The following TPST1 variants were observed in gnomAD, a reference collection of about 807,000 sequenced individuals.
TPST1 encodes protein-tyrosine sulfotransferase 1.
In TPST1, 20 loss-of-function variants were observed where a neutral mutation model predicts 34.8. That is an observed-to-expected ratio of 0.57 (90% CI 0.40 to 0.84). The LOEUF is 0.84. TPST1 is among the 40% of genes least tolerant of loss of function. TPST1 has a pLI of 0.00. For missense variants in TPST1, 353 were observed against 455.5 expected (o/e 0.78, Z 2.05); for synonymous variants, 152 against 159.4 (o/e 0.95, Z 0.35).
chr7:66,243,736 C>T (rs945384649), intron 2 of TPST1, among the ~76,000 whole-genome samples: 2 of 151,452 alleles, frequency 1.3e-5, no homozygotes, highest in African/African-American at 4.9e-5. Context: ...GTGTGAGCCA[C>T]TATGCCTGGC....
chr7:66,254,669 G>T (rs568132625), intron 2 of TPST1, among the ~76,000 whole-genome samples: 12 of 152,166 alleles, frequency 7.9e-5, no homozygotes, highest in African/African-American at 1.2e-4. Flanking sequence ...CTCCCAAAGC[G>T]TTGGGATTAT....
At chr7:66,228,216 G>C (rs1031816112) in intron 1 of TPST1, among the ~76,000 whole-genome samples, 7 of 152,154 alleles carry the variant, frequency 4.6e-5, no homozygotes, top group African/African-American at 1.7e-4. Context: ...AATGTAGAAG[G>C]CTTTCATGTT....
At chr7:66,252,184 A>G (rs1790276309) in intron 2 of TPST1, among the ~76,000 whole-genome samples, 1 of 150,024 alleles carries the variant, frequency 6.7e-6, no homozygotes, top group South Asian at 2.1e-4. Context: ...CAGCCTCCCA[A>G]GTAGCTGGGA....
chr7:66,223,874 C>A (rs188793253), intron 1 of TPST1, among the ~76,000 whole-genome samples: 2 of 152,264 alleles, frequency 1.3e-5, no homozygotes, highest in East Asian at 3.9e-4. Context: ...GAAGCAAAGC[C>A]GAGACATCAT....
intron 5 of TPST1, chr7:66,359,526 G>A (rs1376710621): frequency 1.8e-5 from 4 of 220,912 alleles, no homozygotes; most frequent in African/African-American, 6.8e-5. Flanking sequence ...TTCTTCACAC[G>A]AGGAATCATG....
upstream of TPST1, among the ~76,000 whole-genome samples, chr7:66,201,076 G>C (rs959369036): frequency 6.6e-6 from 1 of 152,110 alleles, no homozygotes; most frequent in Non-Finnish European, 1.5e-5. Context: ...ACCTGGAAAG[G>C]TAAAGCCCGG....
intron 2 of TPST1, among the ~76,000 whole-genome samples, chr7:66,282,275 T>C (rs1790947242): frequency 6.6e-6 from 1 of 152,198 alleles, no homozygotes; most frequent in Non-Finnish European, 1.5e-5. Context: ...CTGTGTCCTT[T>C]TGAACAAAAG....
rs1790011849 is a variant in TPST1 at position 66,240,653 on chromosome 7, T to C, written c.228T>C (p.Gly76=). The change falls in exon 2 of 6, where the codon GGT becomes GGC. Residue 76 remains glycine, a synonymous_variant. Coordinates refer to ENST00000304842, the MANE Select transcript of TPST1 (RefSeq NM_003596.4). Reference sequence around the variant, plus strand: ...ATATGCCTTTAATATTTATTGGAGGTGTGCCTCGGAGTGGAACCACACTCA... The same window carrying C: ...ATATGCCTTTAATATTTATTGGAGGCGTGCCTCGGAGTGGAACCACACTCA... ...HKDMPLIFIG[G]VPRSGTTLMR... is the part of the protein sequence containing the mutation. 6.2e-7 allele frequency: 1 copy of C among 1,614,164 alleles called. No homozygotes were observed. Among genetic ancestry groups the C allele is most frequent in the Non-Finnish European group, 8.5e-7 (1 of 1,180,032 alleles).
At chr7:66,208,418 T>A (rs1584131932) in intron 1 of TPST1, among the ~76,000 whole-genome samples, 1 of 152,194 alleles carries the variant, frequency 6.6e-6, no homozygotes, top group East Asian at 1.9e-4. Context: ...TTTCTTTGTG[T>A]TTCCACAGCA....
At chr7:66,320,734 T>G (rs1274749079) in intron 3 of TPST1, among the ~76,000 whole-genome samples, 2 of 151,676 alleles carry the variant, frequency 1.3e-5, no homozygotes, top group Non-Finnish European at 1.5e-5. Context: ...GAGTAGCTGG[T>G]ATTACAGACA....
At chr7:66,210,662 C>T (rs1789223940) in intron 1 of TPST1, among the ~76,000 whole-genome samples, 1 of 152,150 alleles carries the variant, frequency 6.6e-6, no homozygotes, top group Admixed American at 6.5e-5. Context: ...AGTAGTAACT[C>T]ATCCTTTAAA....
intron 2 of TPST1, among the ~76,000 whole-genome samples, chr7:66,252,487 G>A (rs981126937): frequency 6.6e-6 from 1 of 151,044 alleles, no homozygotes; most frequent in Admixed American, 6.6e-5. Flanking sequence ...GACTGCAGGC[G>A]CCCACCACCA....
intron 3 of TPST1, among the ~76,000 whole-genome samples, chr7:66,350,806 T>C (rs1204824997): frequency 6.6e-6 from 1 of 152,232 alleles, no homozygotes; most frequent in Non-Finnish European, 1.5e-5. Flanking sequence ...TTTCCACTCT[T>C]CATTGACATT....
At chr7:66,231,315 G>A (rs992027782) in intron 1 of TPST1, among the ~76,000 whole-genome samples, 5 of 152,378 alleles carry the variant, frequency 3.3e-5, no homozygotes, top group African/African-American at 4.8e-5. Context: ...ATCCCGCACC[G>A]GGGCTGCATG....
intron 2 of TPST1, among the ~76,000 whole-genome samples, chr7:66,266,948 A>G (rs908955894): frequency 6.6e-6 from 1 of 152,198 alleles, no homozygotes; most frequent in Non-Finnish European, 1.5e-5. Context: ...TGGTGGTTAC[A>G]TGGCTGTATA....
rs565607802 is a variant in TPST1, at chr7:66,318,134, G to A, written c.1044+31425G>A. ...GATCATGCCATTGTACTCGAGCCTCGGCGACAGAGCAAGACTCTTTCTCAA... is the reference window on the plus strand; with the variant it reads ...GATCATGCCATTGTACTCGAGCCTCAGCGACAGAGCAAGACTCTTTCTCAA... On this transcript the variant is annotated intron_variant, in intron 3 of 5. Coordinates refer to ENST00000304842, the MANE Select transcript of TPST1 (RefSeq NM_003596.4). 1.2e-4 allele frequency among the ~76,000 whole-genome samples: 19 copies of A among 152,020 alleles called. 1 individual carries two copies. The South Asian group carries it at 3.1e-3, about 25-fold the overall frequency.
intron 3 of TPST1, among the ~76,000 whole-genome samples, chr7:66,343,501 G>C (rs1460061460): frequency 1.3e-5 from 2 of 152,084 alleles, no homozygotes; most frequent in Admixed American, 6.6e-5. Flanking sequence ...CCAGACGTCA[G>C]CATCACACAA....
At chr7:66,252,097 G>A (rs949707096) in intron 2 of TPST1, among the ~76,000 whole-genome samples, 28 of 151,810 alleles carry the variant, frequency 1.8e-4, no homozygotes, top group African/African-American at 6.3e-4. Flanking sequence ...TCGCTCTGTC[G>A]CCCAGGCTAG....
intron 2 of TPST1, among the ~76,000 whole-genome samples, chr7:66,275,970 T>G (rs935647458): frequency 6.6e-6 from 1 of 151,980 alleles, no homozygotes; most frequent in African/African-American, 2.4e-5. Context: ...TGTTATATAT[T>G]CAGTTTTCAT....
Sources: allele counts gnomAD v4.1 joint callset (sites outside exome capture counted in the v4.1 genomes callset), GRCh38; gene constraint gnomAD v4.1.1; transcripts MANE v1.5; gene names NCBI Gene and HGNC (gene_info 2026-07-23, HGNC 2026-07-21).